Variants in PDE3A observed in about 807,000 individuals in gnomAD.
The protein encoded by PDE3A is cGMP-inhibited 3',5'-cyclic phosphodiesterase 3A.
In PDE3A, 43 loss-of-function variants were observed where a neutral mutation model predicts 98.3. That is an observed-to-expected ratio of 0.44 (90% CI 0.34 to 0.56). The LOEUF (loss-of-function observed/expected upper bound fraction) is 0.56, where lower values mean the gene tolerates loss of function less well. PDE3A is among the 20% of genes least tolerant of loss of function. PDE3A has a pLI of 0.01. For missense variants in PDE3A, 1,427 were observed against 1,440.7 expected, an observed-to-expected ratio of 0.99 and a Z score of 0.15; for synonymous variants, 663 against 567.9, an observed-to-expected ratio of 1.17 and a Z score of -2.38.
At chr12:20,649,326 A>G (rs1944862777) in intron 13 of PDE3A, among the ~76,000 whole-genome samples, 1 of 152,182 alleles carries the variant, frequency 6.6e-6, no homozygotes, top group African/African-American at 2.4e-5. Context: ...TTCAAATGTG[A>G]AAATGGAATA....
At chr12:20,497,201 A>G (rs1447411877) in intron 1 of PDE3A, among the ~76,000 whole-genome samples, 1 of 152,206 alleles carries the variant, frequency 6.6e-6, no homozygotes, top group African/African-American at 2.4e-5. Flanking sequence ...AAGCAACTTA[A>G]TGTGATTCTG....
chr12:20,654,713 C>T (rs1448574546), intron 15 of PDE3A, among the ~76,000 whole-genome samples: 3 of 141,978 alleles, frequency 2.1e-5, no homozygotes, highest in African/African-American at 8.0e-5. Flanking sequence ...CGGGTTTCAC[C>T]ATGTTAGCCA....
chr12:20,389,518 G>A (rs1943874749), intron 1 of PDE3A, among the ~76,000 whole-genome samples: 2 of 151,946 alleles, frequency 1.3e-5, no homozygotes, highest in Admixed American at 6.6e-5. Context: ...CTGTAGCTGA[G>A]GATCTCTGGC....
rs1945906651 is a variant in PDE3A at position 20,684,765 on chromosome 12, C to T, written c.*4494C>T. On this transcript the variant is annotated 3_prime_UTR_variant, in exon 16 of 16. Transcript: ENST00000359062. ...TTTAAGAAATATATCAGTTTTAGGT[C>T]CTATGTTCACACATCAATTTGTTCA... is the stretch of plus-strand genomic sequence containing the variant. Among the ~76,000 whole-genome samples the T allele has an allele frequency of 6.6e-6, 1 of 152,112 alleles. No individual in the cohort carries two copies. The highest frequency in any genetic ancestry group is 2.1e-4 in the South Asian group (1 of 4,826).
intron 1 of PDE3A, among the ~76,000 whole-genome samples, chr12:20,553,469 C>T (rs890700784): frequency 1.6e-5 from 2 of 128,418 alleles, no homozygotes; most frequent in Non-Finnish European, 3.3e-5. Context: ...ATCTAAAGTC[C>T]AGTGACATGG....
chr12:20,499,774 A>G (rs562228774), intron 1 of PDE3A, among the ~76,000 whole-genome samples: 9 of 152,182 alleles, frequency 5.9e-5, no homozygotes, highest in Non-Finnish European at 1.2e-4. Flanking sequence ...TATAACCTGC[A>G]TATATTTTCT....
At chr12:20,561,255 TA>T (rs113904087) in intron 2 of PDE3A, among the ~76,000 whole-genome samples, 9 of 145,852 alleles carry the variant, frequency 6.2e-5, no homozygotes, top group East Asian at 2.0e-4. Context: ...GAGGCTCTGC[TA>T]AAAAAAAAAG....
rs61242685 is a variant in PDE3A, at chr12:20,570,407, CAAAAAAAAAAAAAA to C, written c.1011+13715_1011+13728del. Among the ~76,000 whole-genome samples, 5 of 43,356 alleles carry C rather than the reference CAAAAAAAAAAAAAA, an allele frequency of 1.2e-4. No individual in the cohort carries two copies. The East Asian group carries it at 2.4e-3, about 20-fold the overall frequency. 28.4% of individuals were successfully genotyped at this position (43,356 alleles called of 152,430 possible). A position where few individuals can be genotyped will look rare whatever the true frequency, so the allele number is the denominator to read the frequency against. ...TGGGCAACAGAATGCGACGCTGTCT[CAAAAAAAAAAAAAA>C]AAAAAAAAAAAAAAAAAGGTGTAAA... On this transcript the variant is annotated intron_variant, in intron 2 of 15. Transcript: ENST00000359062.
chr12:20,395,373 T>A (rs990759695), intron 1 of PDE3A, among the ~76,000 whole-genome samples: 1 of 151,688 alleles, frequency 6.6e-6, no homozygotes, highest in Non-Finnish European at 1.5e-5. Flanking sequence ...GAGAGTGAGA[T>A]GGTAGAAATA....
chr12:20,632,949 C>T (rs1592131763), intron 6 of PDE3A, among the ~76,000 whole-genome samples: 31 of 102,124 alleles, frequency 3.0e-4, no homozygotes, highest in South Asian at 3.7e-4. Context: ...AATAATGAGG[C>T]TTTTTTTTTT....
chr12:20,550,758 CT>C (rs1942178427), intron 1 of PDE3A, among the ~76,000 whole-genome samples: 2 of 151,850 alleles, frequency 1.3e-5, no homozygotes, highest in Admixed American at 1.3e-4. Context: ...CATTAAATTA[CT>C]TTGTTATGTT....
chr12:20,672,536 A>G (rs567260688), intron 15 of PDE3A, among the ~76,000 whole-genome samples: 1 of 151,862 alleles, frequency 6.6e-6, no homozygotes, highest in African/African-American at 2.4e-5. Context: ...GCCCTCAGAA[A>G]TAACGCTGCA....
intron 1 of PDE3A, among the ~76,000 whole-genome samples, chr12:20,385,992 T>TAAAATATATATATAAATATATAA: frequency 9.7e-6 from 1 of 103,010 alleles, no homozygotes; most frequent in Non-Finnish European, 1.7e-5. Context: ...ATAATATATA[T>TAAAATATATATATAAATATATAA]AAAATATATA....
intron 1 of PDE3A, among the ~76,000 whole-genome samples, chr12:20,464,758 G>A (rs1016944645): frequency 6.6e-6 from 1 of 152,164 alleles, no homozygotes; most frequent in Non-Finnish European, 1.5e-5. Context: ...TGAATAAAAT[G>A]AGACACATGG....
intron 1 of PDE3A, among the ~76,000 whole-genome samples, chr12:20,375,152 A>G (rs1272734279): frequency 3.9e-5 from 6 of 151,956 alleles, no homozygotes; most frequent in African/African-American, 1.4e-4. Context: ...TTCTGCATTC[A>G]TGTGTTTAAT....
Position 20,686,781 on chromosome 12 carries a change from G to A in PDE3A, c.*6510G>A, listed in dbSNP as rs1056824615. On this transcript the variant is annotated 3_prime_UTR_variant, in exon 16 of 16. Transcript: ENST00000359062. ...CTCTGCCATAATTAAAAGAAAGAATGGCCTTCGACTTAAGTTCTAGTTCCT... is the reference window on the plus strand; with the variant it reads ...CTCTGCCATAATTAAAAGAAAGAATAGCCTTCGACTTAAGTTCTAGTTCCT... 6.6e-6 allele frequency among the ~76,000 whole-genome samples: 1 copy of A among 152,098 alleles called. No homozygotes were observed. Among genetic ancestry groups the A allele is most frequent in the African/African-American group, 2.4e-5 (1 of 41,416 alleles).
In PDE3A at chr12:20,400,263, A is replaced by G. The variant is rs139807622; in HGVS notation, c.960+30019A>G. Among the ~76,000 whole-genome samples the G allele has an allele frequency of 4.6e-5, 7 of 152,208 alleles. No individual in the cohort carries two copies. In the East Asian group the frequency reaches 1.3e-3, roughly 29 times the overall value. On this transcript the variant is annotated intron_variant, in intron 1 of 15. Transcript: ENST00000359062. ...CCTGAAGCCAGAGAGATACTGAAGA[A>G]TGAAAGACCTCGAGAGTCCTGCTGT...
Position 20,508,584 on chromosome 12 carries a change from A to G in PDE3A, c.961-48076A>G, listed in dbSNP as rs909176926. Among the ~76,000 whole-genome samples the G allele has an allele frequency of 3.3e-5, 5 of 152,012 alleles. No individual in the cohort carries two copies. In the East Asian group the frequency reaches 9.6e-4, roughly 29 times the overall value. The stretch of plus-strand genomic sequence containing the variant: ...TCATTTCATGCAGTATTGCTTATTT[A>G]AAAGGAATCCATTTAGACGTCATAC... On this transcript the variant is annotated intron_variant, in intron 1 of 15. Transcript: ENST00000359062.
At chr12:20,627,860 T>C (rs1040308226) in intron 5 of PDE3A, among the ~76,000 whole-genome samples, 1 of 152,306 alleles carries the variant, frequency 6.6e-6, no homozygotes, top group Middle Eastern at 3.4e-3. Flanking sequence ...CTCGGTAAAC[T>C]TTCTACCACA....
Sources: gnomAD v4.1 joint callset for allele counts (sites outside exome capture counted in the v4.1 genomes callset) on GRCh38, gnomAD v4.1.1 for gene constraint, MANE v1.5 for transcripts, NCBI Gene and HGNC (gene_info 2026-07-23, HGNC 2026-07-21) for gene names.